The following POLK variants were observed in gnomAD, a reference collection of about 807,000 sequenced individuals.
The protein encoded by POLK is DNA polymerase kappa.
Under a neutral mutation model 94.0 loss-of-function variants are expected in POLK, and 76 were observed. The ratio of observed to expected loss-of-function variants is 0.81; its 90% confidence interval spans 0.67 to 0.98. The LOEUF (loss-of-function observed/expected upper bound fraction) is 0.98. Among genes scored for constraint, POLK ranks in the 50% least tolerant of loss-of-function variants. The pLI, the probability that POLK is intolerant of heterozygous loss-of-function variation, is 0.00. For missense variants in POLK, 954 were observed against 1,010.1 expected (o/e 0.94, Z 0.75); for synonymous variants, 349 against 325.4 (o/e 1.07, Z -0.78).
intron 3 of POLK, among the ~76,000 whole-genome samples, chr5:75,563,021 C>T (rs1430932272): frequency 6.6e-6 from 1 of 152,170 alleles, no homozygotes; most frequent in Non-Finnish European, 1.5e-5. Flanking sequence ...TGATGCTGGC[C>T]TCATAAAATG....
chr5:75,584,797 A>G, exon 9 of POLK: 1 of 1,576,348 alleles, frequency 6.3e-7, no homozygotes, highest in Non-Finnish European at 8.6e-7. Context: ...AAAATGTTAA[A>G]GGCCCTTGGA....
chr5:75,586,014 T>C (rs1228953805), intron 9 of POLK, among the ~76,000 whole-genome samples: 3 of 152,208 alleles, frequency 2.0e-5, no homozygotes, highest in Admixed American at 6.5e-5. Context: ...GATGAAGATA[T>C]CACAGCACTA....
chr5:75,555,204 C>G (rs1182648838), intron 3 of POLK, among the ~76,000 whole-genome samples: 1 of 152,128 alleles, frequency 6.6e-6, no homozygotes, highest in Non-Finnish European at 1.5e-5. Flanking sequence ...GGTGTACATT[C>G]TGTGGGTTTA....
At chr5:75,543,853 A>G (rs1266711441) in intron 1 of POLK, among the ~76,000 whole-genome samples, 1 of 152,098 alleles carries the variant, frequency 6.6e-6, no homozygotes, top group African/African-American at 2.4e-5. Flanking sequence ...GGTTTTTTTG[A>G]GACAGGTTCT....
chr5:75,608,309 T>G, the POLK span, among the ~76,000 whole-genome samples: 2 of 152,034 alleles, frequency 1.3e-5, no homozygotes, highest in Non-Finnish European at 2.9e-5. Flanking sequence ...TACTCCCATC[T>G]CAGCTTCCCA....
chr5:75,570,651 C>T (rs1771541537), intron 4 of POLK, among the ~76,000 whole-genome samples: 1 of 152,190 alleles, frequency 6.6e-6, no homozygotes. Context: ...CTTTTTACCA[C>T]TCTAACCTTA....
intron 12 of POLK, 88 bp downstream of exon 12, chr5:75,594,137 T>A: frequency 1.2e-6 from 1 of 814,320 alleles, no homozygotes; most frequent in Non-Finnish European, 2.0e-6. Context: ...GCCCCCAACT[T>A]AACAATGGTT....
exon 7 of POLK, chr5:75,581,256 A>G (rs778665793): frequency 3.1e-6 from 5 of 1,606,922 alleles, no homozygotes; most frequent in African/African-American, 1.3e-5. Context: ...TGAACGATCC[A>G]TCTCTCCACT....
chr5:75,554,866 TGG>T (rs1484972470), intron 3 of POLK, among the ~76,000 whole-genome samples: 2 of 152,324 alleles, frequency 1.3e-5, no homozygotes, highest in Non-Finnish European at 2.9e-5. Context: ...CAGTATTCCA[TGG>T]TGTATATGTA....
intron 6 of POLK, among the ~76,000 whole-genome samples, chr5:75,578,905 T>C (rs1039490528): frequency 2.0e-5 from 3 of 152,216 alleles, no homozygotes; most frequent in African/African-American, 7.2e-5. Flanking sequence ...CATACACTTT[T>C]TAGCACTTGT....
chr5:75,546,916 C>A, intron 1 of POLK, 94 bp from the exon 2 acceptor site: 1 of 526,122 alleles, frequency 1.9e-6, no homozygotes, highest in Non-Finnish European at 3.3e-6. Context: ...ATCTGCCCGC[C>A]TCGGCCTCCC....
At chr5:75,561,086 C>T (rs188328668) in intron 3 of POLK, among the ~76,000 whole-genome samples, 22 of 152,224 alleles carry the variant, frequency 1.4e-4, no homozygotes, top group African/African-American at 5.1e-4. Context: ...GAGGAATCGC[C>T]ACACTGTCTT....
intron 2 of POLK, among the ~76,000 whole-genome samples, chr5:75,550,329 A>C (rs950857685): frequency 1.4e-4 from 22 of 152,220 alleles, no homozygotes; most frequent in Non-Finnish European, 2.9e-4. Context: ...CTATGACCCC[A>C]GCACTTTGGG....
rs200946266 is a variant in POLK at position 75,542,654 on chromosome 5, CAT to C, written c.-13-4346_-13-4345del. Reference sequence around the variant, plus strand: ...ATATATACACATATACATATATACACATATATATATACACATATATACATATA... The same window carrying C: ...ATATATACACATATACATATATACACATATATATACACATATATACATATA... On this transcript the variant is annotated intron_variant, in intron 1 of 14. Transcript: ENST00000241436. 3.4e-3 allele frequency among the ~76,000 whole-genome samples: 463 copies of C among 135,046 alleles called. 4 individuals are homozygous for C. The highest frequency in any genetic ancestry group is 0.014 in the African/African-American group (412 of 28,872). 88.6% of individuals were successfully genotyped at this position (135,046 alleles called of 152,430 possible). A position where few individuals can be genotyped will look rare whatever the true frequency, so the allele number is the denominator to read the frequency against.
chr5:75,583,704 A>T (rs1772318783), intron 8 of POLK, among the ~76,000 whole-genome samples: 4 of 152,182 alleles, frequency 2.6e-5, no homozygotes, highest in Admixed American at 2.0e-4. Flanking sequence ...CAGTCCTTTC[A>T]TCTGTAACTT....
At chr5:75,583,373 A>G (rs1306077397) in exon 8 of POLK, 1 of 1,606,298 alleles carries the variant, frequency 6.2e-7, no homozygotes, top group South Asian at 1.1e-5. Context: ...TCTTCCCAAT[A>G]GACAAGCTGT....
intron 1 of POLK, among the ~76,000 whole-genome samples, chr5:75,524,573 C>T (rs748222608): frequency 7.3e-5 from 11 of 151,318 alleles, no homozygotes; most frequent in Non-Finnish European, 1.0e-4. Flanking sequence ...CTTCTACTTC[C>T]AGTATGGAGA....
chr5:75,566,409 G>T (rs938071411), intron 3 of POLK, among the ~76,000 whole-genome samples: 1 of 152,126 alleles, frequency 6.6e-6, no homozygotes, highest in African/African-American at 2.4e-5. Context: ...CACCACTGGG[G>T]TATGAAAAAA....
upstream of POLK, chr5:75,511,133 C>T (rs1183592054): frequency 1.2e-6 from 2 of 1,602,482 alleles, no homozygotes; most frequent in South Asian, 1.1e-5. Flanking sequence ...CCCCGCAGCG[C>T]TCCACAGGCG....
Sources: allele counts gnomAD v4.1 joint callset (sites outside exome capture counted in the v4.1 genomes callset), GRCh38; gene constraint gnomAD v4.1.1; transcripts MANE v1.5; gene names NCBI Gene and HGNC (gene_info 2026-07-23, HGNC 2026-07-21).